The following LZTS1 variants were observed in gnomAD, a reference collection of about 807,000 sequenced individuals.
LZTS1 encodes the protein leucine zipper tumor suppressor 1.
Under a neutral mutation model 45.8 loss-of-function variants are expected in LZTS1, and 31 were observed. The ratio of observed to expected loss-of-function variants is 0.68; its 90% CI spans 0.51 to 0.91. The LOEUF (loss-of-function observed/expected upper bound fraction) is 0.91. LZTS1 is among the 40% of genes least tolerant of loss of function. LZTS1 has a pLI of 0.00. For missense variants in LZTS1, 821 were observed against 788.9 expected, an observed-to-expected ratio of 1.04 and a Z score of -0.49; for synonymous variants, 359 against 357.3, an observed-to-expected ratio of 1.00 and a Z score of -0.05.
At chr8:20,279,761 C>A (rs1800652309) in intron 1 of LZTS1, among the ~76,000 whole-genome samples, 1 of 149,352 alleles carries the variant, frequency 6.7e-6, no homozygotes, top group Non-Finnish European at 1.5e-5. Flanking sequence ...CCAAAGTGAG[C>A]AGATCGCTTG....
intron 1 of LZTS1, among the ~76,000 whole-genome samples, chr8:20,263,667 C>T (rs1398097488): frequency 6.6e-6 from 1 of 152,146 alleles, no homozygotes; most frequent in Non-Finnish European, 1.5e-5. Context: ...TCCACACAGA[C>T]TCCAGCCTGC....
At chr8:20,296,471 G>C (rs1233061529) in intron 1 of LZTS1, among the ~76,000 whole-genome samples, 1 of 152,216 alleles carries the variant, frequency 6.6e-6, no homozygotes, top group East Asian at 1.9e-4. Context: ...GACTGCCCCA[G>C]GCATGGCATC....
chr8:20,257,573 T>G (rs1242442997), intron 1 of LZTS1, among the ~76,000 whole-genome samples: 1 of 152,164 alleles, frequency 6.6e-6, no homozygotes, highest in African/African-American at 2.4e-5. Flanking sequence ...TGGTGTGCAT[T>G]CTAGTTACAT....
chr8:20,286,867 C>T (rs1453185193), intron 1 of LZTS1, among the ~76,000 whole-genome samples: 1 of 152,160 alleles, frequency 6.6e-6, no homozygotes, highest in African/African-American at 2.4e-5. Flanking sequence ...ACGTTCTGTG[C>T]AATTCCATTC....
At chr8:20,286,959 C>T (rs1800802726) in intron 1 of LZTS1, among the ~76,000 whole-genome samples, 1 of 152,072 alleles carries the variant, frequency 6.6e-6, no homozygotes, top group African/African-American at 2.4e-5. Context: ...CAAGGGGTTT[C>T]CGGGGGGTAC....
At chr8:20,299,450 A>T (rs1475674084) in intron 1 of LZTS1, among the ~76,000 whole-genome samples, 2 of 152,208 alleles carry the variant, frequency 1.3e-5, no homozygotes, top group African/African-American at 4.8e-5. Context: ...CTTACTTGTC[A>T]TTGGTTCAGG....
intron 1 of LZTS1, among the ~76,000 whole-genome samples, chr8:20,301,696 G>A (rs1801081341): frequency 6.6e-6 from 1 of 152,174 alleles, no homozygotes; most frequent in Non-Finnish European, 1.5e-5. Flanking sequence ...AAAACTGAAA[G>A]GCACATCTTT....
rs556460902 is a variant in LZTS1 at position 20,279,071 on chromosome 8, T to A, written c.-134-23756A>T. Among the ~76,000 whole-genome samples the A allele has an allele frequency of 2.6e-5, 4 of 152,308 alleles. No individual in the cohort carries two copies. The South Asian group carries it at 6.2e-4, about 24-fold the overall frequency. The stretch of plus-strand genomic sequence containing the variant: ...CAACCTAGAATCTCTTTCACAAAAC[T>A]TCTCCCTATATCTCCAGCCTTCTGC... On this transcript the variant is annotated intron_variant, in intron 1 of 3. Coordinates refer to ENST00000381569, the MANE Select transcript of LZTS1 (RefSeq NM_021020.5).
At position 20,250,305 on chromosome 8, in the gene LZTS1, G is replaced by T; in HGVS notation, c.1208C>A (p.Thr403Lys). The T allele has an allele frequency of 6.2e-7, 1 of 1,613,262 alleles. No homozygotes were observed. The change falls in exon 4 of 4, where the codon ACG (threonine) becomes AAG (lysine). Residue 403 changes from threonine (T) to lysine (K), a missense_variant. Physicochemically the swap from Thr to Lys is moderately conservative, Grantham distance 78. Coordinates refer to ENST00000381569, the MANE Select transcript of LZTS1 (RefSeq NM_021020.5). Reference protein sequence around the residue: ...LLKQQLKESQTEVNAKASEIL... With the variant: ...LLKQQLKESQKEVNAKASEIL... The stretch of plus-strand genomic sequence containing the variant: ...CTCGCTAGCCTTGGCGTTCACCTCC[G>T]TCTGGGACTCCTTCAGCTGCTGCTT...
chr8:20,292,863 G>A (rs1563899402), intron 1 of LZTS1, among the ~76,000 whole-genome samples: 1 of 152,158 alleles, frequency 6.6e-6, no homozygotes, highest in Non-Finnish European at 1.5e-5. Flanking sequence ...ATGGGACCCT[G>A]AGAAAGTTCC....
At chr8:20,252,677 C>T (rs1799959621) in intron 3 of LZTS1, 105 bp downstream of exon 3, 5 of 1,018,242 alleles carry the variant, frequency 4.9e-6, no homozygotes, top group African/African-American at 1.6e-5. Context: ...CCCCGCTTGC[C>T]TGCGCGGTCT....
chr8:20,256,457 T>C (rs925274484), intron 1 of LZTS1, among the ~76,000 whole-genome samples: 5 of 151,978 alleles, frequency 3.3e-5, no homozygotes, highest in Non-Finnish European at 7.4e-5. Flanking sequence ...GGGATAGAAG[T>C]GGTGGCCAAT....
At chr8:20,292,808 C>T (rs886646341) in intron 1 of LZTS1, among the ~76,000 whole-genome samples, 2 of 152,170 alleles carry the variant, frequency 1.3e-5, no homozygotes, top group Non-Finnish European at 2.9e-5. Flanking sequence ...GTAGAAAGAG[C>T]CCTGATGTGG....
intron 1 of LZTS1, among the ~76,000 whole-genome samples, chr8:20,285,338 G>T (rs1800774956): frequency 6.6e-6 from 1 of 152,170 alleles, no homozygotes; most frequent in Non-Finnish European, 1.5e-5. Flanking sequence ...TCCATGTGTA[G>T]ATACGAGTTA....
intron 1 of LZTS1, among the ~76,000 whole-genome samples, chr8:20,283,524 A>C (rs1800734827): frequency 6.6e-6 from 1 of 151,962 alleles, no homozygotes; most frequent in Non-Finnish European, 1.5e-5. Context: ...TAGCCGCCCG[A>C]ACAGACTGGA....
chr8:20,286,636 C>T (rs551430824), intron 1 of LZTS1, among the ~76,000 whole-genome samples: 48 of 152,290 alleles, frequency 3.2e-4, no homozygotes, highest in African/African-American at 7.2e-4. Context: ...CAATCCCACT[C>T]GTAGAGGTAC....
rs374258212 is a variant in LZTS1 at position 20,260,155 on chromosome 8, GCCT to G, written c.-134-4843_-134-4841del. The stretch of plus-strand genomic sequence containing the variant: ...GACCTCAAGCTATCCTCCCACCTTG[GCCT>G]CCCAAAGCACTGGGATTACAGGTGT... On this transcript the variant is annotated intron_variant, in intron 1 of 3. Coordinates refer to ENST00000381569, the MANE Select transcript of LZTS1 (RefSeq NM_021020.5). 2.8e-3 allele frequency among the ~76,000 whole-genome samples: 419 copies of G among 152,224 alleles called. 2 individuals are homozygous for G. Among genetic ancestry groups the G allele is most frequent in the African/African-American group, 9.3e-3 (387 of 41,544 alleles).
At chr8:20,260,688 G>A (rs1800210014) in intron 1 of LZTS1, among the ~76,000 whole-genome samples, 1 of 152,198 alleles carries the variant, frequency 6.6e-6, no homozygotes, top group Admixed American at 6.5e-5. Flanking sequence ...GCACTCAGAA[G>A]CTGTGTCATT....
chr8:20,264,446 C>T (rs1280706385), intron 1 of LZTS1, among the ~76,000 whole-genome samples: 1 of 152,198 alleles, frequency 6.6e-6, no homozygotes, highest in Non-Finnish European at 1.5e-5. Context: ...GAGACGACAT[C>T]TAGGACCTCT....
Sources: allele counts gnomAD v4.1 joint callset (sites outside exome capture counted in the v4.1 genomes callset), GRCh38; gene constraint gnomAD v4.1.1; transcripts MANE v1.5; gene names NCBI Gene and HGNC (gene_info 2026-07-23, HGNC 2026-07-21).